PCDHA11: variants seen among roughly 807,000 people sequenced by gnomAD.
PCDHA11 encodes protocadherin alpha-11.
Under a neutral mutation model 70.3 loss-of-function variants are expected in PCDHA11, and 61 were observed. The observed-to-expected ratio is 0.87, with a 90% confidence interval of 0.71 to 1.07. The LOEUF is 1.07. Ranked by LOEUF, PCDHA11 falls within the 50% of genes least tolerant of loss-of-function variation. The pLI is 0.00. For synonymous variants in PCDHA11, 633 were observed against 555.1 expected (o/e 1.14, Z -1.97); for missense variants, 1,324 against 1,237.5 (o/e 1.07, Z -1.05).
intron 1 of PCDHA11, among the ~76,000 whole-genome samples, chr5:140,908,003 C>G (rs1325602233): frequency 1.3e-5 from 2 of 152,164 alleles, no homozygotes; most frequent in Non-Finnish European, 2.9e-5. Context: ...ACCATCCAGC[C>G]AAACCACTGG....
At chr5:140,942,588 ATATAAT>A (rs1164852863) in intron 1 of PCDHA11, among the ~76,000 whole-genome samples, 1 of 149,588 alleles carries the variant, frequency 6.7e-6, no homozygotes, top group Non-Finnish European at 1.5e-5. Flanking sequence ...AGGATGTCAC[ATATAAT>A]TATAGTGTTT....
chr5:140,876,585 G>T, intron 1 of PCDHA11: 5 of 1,614,202 alleles, frequency 3.1e-6, no homozygotes, highest in Non-Finnish European at 4.2e-6. Context: ...TCATTGCCCT[G>T]ATTAGCGTGT....
intron 1 of PCDHA11, among the ~76,000 whole-genome samples, chr5:140,960,268 C>T (rs909300103): frequency 3.3e-5 from 5 of 152,222 alleles, no homozygotes; most frequent in African/African-American, 7.2e-5. Context: ...TGATAAATTC[C>T]GTCACCTTTT....
At chr5:140,927,780 T>C (rs1189193877) in intron 1 of PCDHA11, 5 of 1,614,090 alleles carry the variant, frequency 3.1e-6, no homozygotes, top group African/African-American at 1.3e-5. Flanking sequence ...TGCAAGTAGC[T>C]GCTTCACTAG....
At chr5:140,983,293 A>C (rs2097040232) in intron 3 of PCDHA11, among the ~76,000 whole-genome samples, 1 of 152,240 alleles carries the variant, frequency 6.6e-6, no homozygotes, top group African/African-American at 2.4e-5. Context: ...AAAATTGCTT[A>C]AACTCACATT....
At chr5:140,943,796 C>T (rs2093568961) in intron 1 of PCDHA11, among the ~76,000 whole-genome samples, 1 of 152,032 alleles carries the variant, frequency 6.6e-6, no homozygotes, top group Non-Finnish European at 1.5e-5. Flanking sequence ...TTATGCAAAG[C>T]AAAAGAGGAA....
intron 1 of PCDHA11, among the ~76,000 whole-genome samples, chr5:140,913,412 T>G (rs2076324998): frequency 6.6e-6 from 1 of 152,222 alleles, no homozygotes; most frequent in African/African-American, 2.4e-5. Context: ...TTTGAATTCC[T>G]GCAGTATCAG....
intron 1 of PCDHA11, chr5:140,882,292 C>G (rs2059050033): frequency 1.2e-6 from 2 of 1,613,422 alleles, no homozygotes; most frequent in African/African-American, 1.3e-5. Flanking sequence ...GGCAAGGAGG[C>G]CCAAGACCGC....
rs201991205 is a variant in PCDHA11 at position 140,982,521 on chromosome 5, G to C, written c.2497G>C (p.Gly833Arg). ...TGGCATTCTACGGGCTGGTCCAGGAGGGCCTGATCAGCAGTGGCCAACAGT... is the reference window on the plus strand; with the variant it reads ...TGGCATTCTACGGGCTGGTCCAGGACGGCCTGATCAGCAGTGGCCAACAGT... ...EAGILRAGPG[G>R]PDQQWPTVSS... Residue 833 changes from glycine to arginine, a missense_variant, in exon 3 of 4, where the codon GGG becomes CGG. Gly to Arg is a moderately radical substitution (Grantham distance 125). Coordinates refer to ENST00000398640, the MANE Select transcript of PCDHA11 (RefSeq NM_018902.5). The C allele has an allele frequency of 9.3e-6, 15 of 1,614,216 alleles. No individual in the cohort carries two copies. In the Admixed American group the frequency reaches 2.3e-4, roughly 25 times the overall value.
intron 1 of PCDHA11, chr5:140,928,983 G>T: frequency 6.2e-7 from 1 of 1,613,838 alleles, no homozygotes; most frequent in Non-Finnish European, 8.5e-7. Flanking sequence ...TATTTCTGGG[G>T]TGCTTACTTT....
intron 3 of PCDHA11, among the ~76,000 whole-genome samples, chr5:141,005,701 CAAAA>C (rs59860837): frequency 2.6e-4 from 2 of 7,790 alleles, no homozygotes; most frequent in African/African-American, 4.7e-4. Flanking sequence ...AACTCCGTCT[CAAAA>C]AAAAAAAAAA....
Position 141,010,123 on chromosome 5 carries a change from A to G in PCDHA11, c.*186A>G, listed in dbSNP as rs782357783. The G allele has an allele frequency of 3.7e-6, 6 of 1,605,822 alleles. No individual in the cohort carries two copies. In the East Asian group the frequency reaches 1.3e-4, roughly 36 times the overall value. On this transcript the variant is annotated 3_prime_UTR_variant, in exon 4 of 4. Transcript: ENST00000398640. ...AGGTTTTGTCGTAAAAGCTTTACTA[A>G]GTCTGGTGTTAACTCTTTCTCTCCA...
intron 1 of PCDHA11, among the ~76,000 whole-genome samples, chr5:140,913,380 T>C (rs1436602497): frequency 6.6e-6 from 1 of 152,226 alleles, no homozygotes; most frequent in Non-Finnish European, 1.5e-5. Context: ...ATATAGTGGC[T>C]CATCATAGCC....
At chr5:140,874,397 T>A (rs1447759550) in intron 1 of PCDHA11, among the ~76,000 whole-genome samples, 3 of 152,230 alleles carry the variant, frequency 2.0e-5, no homozygotes, top group African/African-American at 7.2e-5. Flanking sequence ...CCCCCTTGCA[T>A]AACAGTCACC....
At chr5:140,924,762 G>A (rs1554202136) in intron 1 of PCDHA11, among the ~76,000 whole-genome samples, 1 of 151,856 alleles carries the variant, frequency 6.6e-6, no homozygotes, top group Non-Finnish European at 1.5e-5. Context: ...GAGCATGGTG[G>A]TGCGCGCTTG....
At chr5:140,895,851 C>T (rs2065201261) in intron 1 of PCDHA11, among the ~76,000 whole-genome samples, 1 of 152,078 alleles carries the variant, frequency 6.6e-6, no homozygotes, top group Admixed American at 6.6e-5. Flanking sequence ...CACTCTTGTA[C>T]CCCAGGCTGG....
At chr5:140,981,859 C>A (rs2096954450) in intron 2 of PCDHA11, among the ~76,000 whole-genome samples, 1 of 152,118 alleles carries the variant, frequency 6.6e-6, no homozygotes, top group African/African-American at 2.4e-5. Flanking sequence ...TCACTCCCAG[C>A]AATGTTTTAT....
At chr5:140,883,390 G>T (rs373348994) in intron 1 of PCDHA11, 4 of 1,614,050 alleles carry the variant, frequency 2.5e-6, no homozygotes, top group East Asian at 4.5e-5. Context: ...TAATCAGTGT[G>T]TCCGATCGTG....
intron 1 of PCDHA11, among the ~76,000 whole-genome samples, chr5:140,889,104 T>C (rs2062103050): frequency 6.6e-6 from 1 of 151,956 alleles, no homozygotes; most frequent in Admixed American, 6.6e-5. Flanking sequence ...TTTTTCATCT[T>C]TATTCCAGGT....
Sources: gnomAD v4.1 joint callset for allele counts (sites outside exome capture counted in the v4.1 genomes callset) on GRCh38, gnomAD v4.1.1 for gene constraint, MANE v1.5 for transcripts, NCBI Gene and HGNC (gene_info 2026-07-23, HGNC 2026-07-21) for gene names.